The following EEIG2 variants were observed in gnomAD, a reference collection of about 807,000 sequenced individuals.
EEIG2 encodes family with sequence similarity 102 member B.
the EEIG2 span, among the ~76,000 whole-genome samples, chr1:108,591,871 A>C: frequency 1.3e-5 from 2 of 152,198 alleles, no homozygotes; most frequent in Non-Finnish European, 2.9e-5. Flanking sequence ...AAAATCATGA[A>C]CAAAGGCATG....
At chr1:108,592,354 C>T in the EEIG2 span, among the ~76,000 whole-genome samples, 1 of 152,230 alleles carries the variant, frequency 6.6e-6, no homozygotes, top group Non-Finnish European at 1.5e-5. Context: ...TACTCTTTCC[C>T]ACCTTCATCA....
At chr1:108,604,880 A>G in the EEIG2 span, among the ~76,000 whole-genome samples, 81 of 151,162 alleles carry the variant, frequency 5.4e-4, no homozygotes, top group African/African-American at 1.4e-3. Flanking sequence ...AAAAAAAAAA[A>G]AGAGAAAAAA....
chr1:108,612,247 G>C, the EEIG2 span: 1 of 1,613,736 alleles, frequency 6.2e-7, no homozygotes, highest in Non-Finnish European at 8.5e-7. Flanking sequence ...CTGTTTACTG[G>C]AAGGCTATGA....
chr1:108,617,896 G>A, the EEIG2 span, among the ~76,000 whole-genome samples: 7 of 152,200 alleles, frequency 4.6e-5, no homozygotes, highest in Admixed American at 6.5e-5. Flanking sequence ...TTTGGAATTT[G>A]CAGTATAGAG....
chr1:108,631,004 C>T, the EEIG2 span: 1 of 199,514 alleles, frequency 5.0e-6, no homozygotes, highest in South Asian at 6.5e-5. Context: ...CAAAAACCTA[C>T]ATCAACGATT....
At chr1:108,609,552 C>T in the EEIG2 span, among the ~76,000 whole-genome samples, 5 of 152,124 alleles carry the variant, frequency 3.3e-5, no homozygotes, top group South Asian at 2.1e-4. Context: ...TAAGAAAATC[C>T]GAGAGACAGC....
chr1:108,614,030 T>C, the EEIG2 span, among the ~76,000 whole-genome samples: 1 of 152,082 alleles, frequency 6.6e-6, no homozygotes, highest in Non-Finnish European at 1.5e-5. Context: ...CTGTCTCTTA[T>C]GTTTCCAGTC....
At chr1:108,614,083 T>A in the EEIG2 span, among the ~76,000 whole-genome samples, 1 of 151,302 alleles carries the variant, frequency 6.6e-6, no homozygotes, top group Non-Finnish European at 1.5e-5. Flanking sequence ...ACCTTACCAC[T>A]CTCCCACTAT....
the EEIG2 span, among the ~76,000 whole-genome samples, chr1:108,616,963 AG>A: frequency 6.6e-6 from 1 of 152,104 alleles, no homozygotes; most frequent in South Asian, 2.1e-4. Context: ...TAGTCAGGGG[AG>A]GCCCCCCCCG....
At chr1:108,569,720 A>AGG in the EEIG2 span, among the ~76,000 whole-genome samples, 7 of 152,170 alleles carry the variant, frequency 4.6e-5, no homozygotes, top group African/African-American at 1.7e-4. Context: ...ATCTTTCACT[A>AGG]TAGCTGGGAC....
chr1:108,608,146 G>A, the EEIG2 span, among the ~76,000 whole-genome samples: 1 of 152,076 alleles, frequency 6.6e-6, no homozygotes. Context: ...CAAACCTGGA[G>A]TATCCCATGC....
chr1:108,601,840 T>C, the EEIG2 span, among the ~76,000 whole-genome samples: 6 of 152,184 alleles, frequency 3.9e-5, no homozygotes, highest in African/African-American at 1.4e-4. Flanking sequence ...TTTGATAGTG[T>C]GCTCTGTTGC....
At chr1:108,593,685 T>C in the EEIG2 span, among the ~76,000 whole-genome samples, 1 of 152,232 alleles carries the variant, frequency 6.6e-6, no homozygotes, top group African/African-American at 2.4e-5. Flanking sequence ...GATAAACAGA[T>C]GTCAGAGACC....
chr1:108,596,202 A>T, the EEIG2 span, among the ~76,000 whole-genome samples: 1 of 152,204 alleles, frequency 6.6e-6, no homozygotes, highest in South Asian at 2.1e-4. Context: ...AATTAGGAAA[A>T]AAAGGCATCT....
chr1:108,614,954 A>G, the EEIG2 span, among the ~76,000 whole-genome samples: 1 of 152,220 alleles, frequency 6.6e-6, no homozygotes, highest in Non-Finnish European at 1.5e-5. Context: ...TGGAAAGCAG[A>G]CCTCAGGGTT....
chr1:108,604,290 A>T, the EEIG2 span, among the ~76,000 whole-genome samples: 631 of 152,358 alleles, frequency 4.1e-3, 2 homozygotes, highest in African/African-American at 0.014. Context: ...AAGGAGAGAC[A>T]TCATCTTCTG....
the EEIG2 span, among the ~76,000 whole-genome samples, chr1:108,571,725 C>CTGCCGCCCACTTCCTAGGAGGTCA: frequency 1.6e-4 from 24 of 152,252 alleles, no homozygotes; most frequent in Non-Finnish European, 1.5e-4. Context: ...GCGTTAGGTC[C>CTGCCGCCCACTTCCTAGGAGGTCA]TGCCGCCCAC....
At chr1:108,606,746 C>T in the EEIG2 span, among the ~76,000 whole-genome samples, 3 of 152,234 alleles carry the variant, frequency 2.0e-5, no homozygotes, top group Non-Finnish European at 4.4e-5. Flanking sequence ...TTTCCAGTCT[C>T]TGTGAATGGT....
chr1:108,584,163 T>C, the EEIG2 span, among the ~76,000 whole-genome samples: 7 of 151,932 alleles, frequency 4.6e-5, no homozygotes, highest in South Asian at 4.1e-4. Context: ...AGGAGAAAAA[T>C]GCAATTGGGT....
Sources: allele counts gnomAD v4.1 joint callset (sites outside exome capture counted in the v4.1 genomes callset), GRCh38; gene constraint gnomAD v4.1.1; transcripts MANE v1.5; gene names NCBI Gene and HGNC (gene_info 2026-07-23, HGNC 2026-07-21).